The following RGSL1 variants were observed in gnomAD, a reference collection of about 807,000 sequenced individuals.
The protein encoded by RGSL1 is regulator of G protein signaling protein-like.
A neutral mutation model predicts 124.7 loss-of-function variants in RGSL1; 97 were observed. The observed-to-expected ratio is 0.78, with a 90% CI of 0.66 to 0.92. The LOEUF is 0.92. RGSL1 is among the 40% of genes least tolerant of loss of function. RGSL1 has a pLI of 0.00. For missense variants in RGSL1, 1,233 were observed against 1,288.4 expected (o/e 0.96, Z 0.66); for synonymous variants, 424 against 438.1 (o/e 0.97, Z 0.40).
At chr1:182,454,323 C>A (rs76929795) in intron 2 of RGSL1, among the ~76,000 whole-genome samples, 4 of 152,108 alleles carry the variant, frequency 2.6e-5, no homozygotes, top group African/African-American at 9.7e-5. Context: ...CTCTGCTGAT[C>A]CCCAGTGCTC....
intron 14 of RGSL1, among the ~76,000 whole-genome samples, chr1:182,533,963 C>G (rs965575051): frequency 1.1e-4 from 17 of 152,058 alleles, no homozygotes; most frequent in African/African-American, 4.1e-4. Flanking sequence ...GAGGACTGTG[C>G]AATTCAAAAA....
chr1:182,522,502 T>C (rs1658423342), intron 10 of RGSL1, among the ~76,000 whole-genome samples: 1 of 152,212 alleles, frequency 6.6e-6, no homozygotes, highest in Non-Finnish European at 1.5e-5. Flanking sequence ...CTGGATTATG[T>C]ACTGCTGTAG....
intron 9 of RGSL1, among the ~76,000 whole-genome samples, chr1:182,505,689 A>C (rs886572685): frequency 2.0e-5 from 3 of 152,134 alleles, no homozygotes; most frequent in African/African-American, 7.2e-5. Flanking sequence ...TAATTTTTAT[A>C]GTTTTCCACT....
At chr1:182,456,949 C>A (rs1652383450) in intron 2 of RGSL1, among the ~76,000 whole-genome samples, 1 of 152,126 alleles carries the variant, frequency 6.6e-6, no homozygotes, top group Non-Finnish European at 1.5e-5. Context: ...GAGTTCAAGA[C>A]CATCCTGGCC....
rs59229376 is a variant in RGSL1, at chr1:182,556,380, C to T, written c.*165+158C>T. 1.6e-3 allele frequency among the ~76,000 whole-genome samples: 239 copies of T among 152,302 alleles called. 4 individuals are homozygous for T. The highest frequency in any genetic ancestry group is 5.3e-3 in the African/African-American group (220 of 41,576). ...TCCCATGACAAATGGATGTAAAGAT[C>T]ACTGAAGGCAATCAGGAGCAAGGTG... On this transcript the variant is annotated intron_variant, in intron 21 of 21. Transcript: ENST00000294854.
chr1:182,532,901 T>A, intron 14 of RGSL1, 110 bp downstream of exon 14: 1 of 1,213,544 alleles, frequency 8.2e-7, no homozygotes, highest in Non-Finnish European at 1.1e-6. Context: ...GCCTGGAGTC[T>A]AGCAAAAAAA....
intron 9 of RGSL1, among the ~76,000 whole-genome samples, chr1:182,506,595 T>G (rs895786058): frequency 2.0e-5 from 3 of 152,206 alleles, no homozygotes; most frequent in Non-Finnish European, 4.4e-5. Flanking sequence ...GTTCTCATAT[T>G]TAAGCTAAGC....
chr1:182,493,384 T>A (rs896159319), intron 9 of RGSL1, among the ~76,000 whole-genome samples: 11 of 152,224 alleles, frequency 7.2e-5, no homozygotes, highest in Non-Finnish European at 1.2e-4. Context: ...TACTTTCTTA[T>A]CTAGTTATCA....
chr1:182,545,946 C>T (rs545488607), intron 15 of RGSL1, among the ~76,000 whole-genome samples: 5 of 152,274 alleles, frequency 3.3e-5, no homozygotes, highest in African/African-American at 9.6e-5. Flanking sequence ...TGTACCTAAA[C>T]ATGTATGTCT....
At chr1:182,468,779 A>G (rs1400383383) in intron 4 of RGSL1, among the ~76,000 whole-genome samples, 1 of 151,838 alleles carries the variant, frequency 6.6e-6, no homozygotes, top group Non-Finnish European at 1.5e-5. Context: ...AAAATAAAAT[A>G]AAAATAAATA....
chr1:182,471,578 C>T (rs955282599), intron 4 of RGSL1, among the ~76,000 whole-genome samples: 1 of 152,144 alleles, frequency 6.6e-6, no homozygotes, highest in African/African-American at 2.4e-5. Flanking sequence ...GTCCCTTTTA[C>T]TCGTTTATTC....
chr1:182,463,606 G>C (rs993160773), intron 4 of RGSL1, among the ~76,000 whole-genome samples: 1 of 152,080 alleles, frequency 6.6e-6, no homozygotes, highest in African/African-American at 2.4e-5. Flanking sequence ...TTTAAAAAAA[G>C]TTTACAAGAG....
At chr1:182,476,569 G>A in intron 6 of RGSL1, among the ~76,000 whole-genome samples, 1 of 152,024 alleles carries the variant, frequency 6.6e-6, no homozygotes, top group East Asian at 1.9e-4. Context: ...GTCTACCCTT[G>A]CCCCTCATCA....
chr1:182,477,738 C>T (rs1654406932), intron 6 of RGSL1, among the ~76,000 whole-genome samples: 1 of 152,260 alleles, frequency 6.6e-6, no homozygotes, highest in Admixed American at 6.5e-5. Context: ...GACATAATGA[C>T]CTTACTCATG....
intron 10 of RGSL1, among the ~76,000 whole-genome samples, chr1:182,525,909 A>T (rs1218739761): frequency 6.6e-6 from 1 of 152,196 alleles, no homozygotes; most frequent in Admixed American, 6.5e-5. Context: ...TAAAGAGGGC[A>T]TATAATCACT....
chr1:182,524,837 A>G (rs781750444), intron 10 of RGSL1, among the ~76,000 whole-genome samples: 5 of 152,252 alleles, frequency 3.3e-5, no homozygotes, highest in African/African-American at 4.8e-5. Context: ...TTGAGCAAGC[A>G]GTAAAACATT....
At chr1:182,459,343 T>C (rs1322657843) in intron 3 of RGSL1, among the ~76,000 whole-genome samples, 2 of 152,184 alleles carry the variant, frequency 1.3e-5, no homozygotes, top group African/African-American at 2.4e-5. Flanking sequence ...CCACATCCCC[T>C]ACAAGGGGGC....
rs895141670 is a variant in RGSL1 at position 182,548,455 on chromosome 1, G to A, written c.2808G>A (p.Arg936=). 10 of 1,551,542 alleles carry A rather than the reference G, an allele frequency of 6.4e-6. No individual in the cohort carries two copies. The highest frequency in any genetic ancestry group is 2.4e-5 in the East Asian group (1 of 40,916). Residue 936 remains arginine, a splice_region_variant and synonymous_variant, in exon 16 of 22, where the codon AGG becomes AGA. Coordinates refer to ENST00000294854, the MANE Select transcript of RGSL1 (RefSeq NM_001137669.2). ...ATTCTGACATCCCTCCAAAGCTGAG[G>A]GTAAGAAAGACTCCCACTCCACTCT... is the stretch of plus-strand genomic sequence containing the variant. ...FLNSDIPPKL[R]VNVPEFQKDA...
In RGSL1 at chr1:182,558,225, G is replaced by A. The variant is rs182278047; in HGVS notation, c.*165+2003G>A. Among the ~76,000 whole-genome samples the A allele has an allele frequency of 8.8e-3, 1,344 of 152,114 alleles. 15 individuals are homozygous for A. The highest frequency in any genetic ancestry group is 0.028 in the African/African-American group (1,177 of 41,498). On this transcript the variant is annotated intron_variant, in intron 21 of 21. Coordinates refer to ENST00000294854, the MANE Select transcript of RGSL1 (RefSeq NM_001137669.2). Reference sequence around the variant, plus strand: ...TTTCTTTGCCCTTGAAATTAGATTTGGGTCTTGGGTCTAGTTTGAATAAAA... The same window carrying A: ...TTTCTTTGCCCTTGAAATTAGATTTAGGTCTTGGGTCTAGTTTGAATAAAA...
Sources: allele counts gnomAD v4.1 joint callset (sites outside exome capture counted in the v4.1 genomes callset), GRCh38; gene constraint gnomAD v4.1.1; transcripts MANE v1.5; gene names NCBI Gene and HGNC (gene_info 2026-07-23, HGNC 2026-07-21).